The following PVR variants were observed in gnomAD, a reference collection of about 807,000 sequenced individuals.
The protein encoded by PVR is poliovirus receptor.
In PVR, 39 loss-of-function variants were observed where a neutral mutation model predicts 43.3. The ratio of observed to expected loss-of-function variants is 0.90; its 90% CI spans 0.70 to 1.18. PVR has a LOEUF of 1.18. Among genes scored for constraint, PVR ranks in the 50% most tolerant of loss-of-function variants. PVR has a pLI of 0.00. For synonymous variants in PVR, 224 were observed against 233.2 expected (o/e 0.96, Z 0.36); for missense variants, 480 against 549.7 (o/e 0.87, Z 1.27).
chr19:44,647,416 G>T lies in PVR; in HGVS notation c.273G>T (p.Arg91=). 6.2e-7 allele frequency: 1 copy of T among 1,614,106 alleles called. No homozygotes were observed. The highest frequency in any genetic ancestry group is 8.5e-7 in the Non-Finnish European group (1 of 1,180,000). ...TQGPSYSESK[R]LEFVAARLGA... The stretch of plus-strand genomic sequence containing the variant: ...GCCCCAGCTATTCGGAGTCCAAACG[G>T]CTGGAATTCGTGGCAGCCAGACTGG... The change falls in exon 2 of 8, where the codon CGG becomes CGT. Residue 91 remains arginine, a synonymous_variant. Coordinates refer to ENST00000425690, the MANE Select transcript of PVR (RefSeq NM_006505.5).
rs376217571 is a variant in PVR, at chr19:44,661,365, C to T, written c.1182+42C>T. On this transcript the variant is annotated intron_variant, in intron 7 of 7. Transcript: ENST00000425690. Reference sequence around the variant, plus strand: ...AGCTAAGGAGGGTGTGGGGTCTGCACGAACTACAGACCAGACGTCTTCAGA... The same window carrying T: ...AGCTAAGGAGGGTGTGGGGTCTGCATGAACTACAGACCAGACGTCTTCAGA... The T allele has an allele frequency of 1.1e-5, 17 of 1,600,576 alleles. No homozygotes were observed. The African/African-American group carries it at 1.5e-4, about 14-fold the overall frequency.
intron 3 of PVR, chr19:44,653,634 C>G (rs560016694): frequency 5.0e-4 from 193 of 386,818 alleles, no homozygotes; most frequent in Non-Finnish European, 7.3e-4. Flanking sequence ...TGCAGGACAC[C>G]CAAGACATGC....
At chr19:44,654,956 G>A (rs1973399376) in intron 4 of PVR, among the ~76,000 whole-genome samples, 1 of 152,142 alleles carries the variant, frequency 6.6e-6, no homozygotes, top group Admixed American at 6.5e-5. Flanking sequence ...AGATGAGAAA[G>A]TTGAGGCTCA....
rs773761184 is a variant in PVR, at chr19:44,658,887, T to C, written c.1137T>C (p.His379=). 2.0e-5 allele frequency: 32 copies of C among 1,614,044 alleles called. No individual in the cohort carries two copies. Among genetic ancestry groups the C allele is most frequent in the Non-Finnish European group, 2.6e-5 (31 of 1,179,982 alleles). The change falls in exon 6 of 8, where the codon CAT becomes CAC. Residue 379 remains histidine, a synonymous_variant. Transcript: ENST00000425690. ...CCCGTGAGGTCCTTTGGCACTGTCATCTGTGTCCCTCGAGTGAGCATCACC... is the reference window on the plus strand; with the variant it reads ...CCCGTGAGGTCCTTTGGCACTGTCACCTGTGTCCCTCGAGTGAGCATCACC... ...KCSREVLWHC[H]LCPSSTEHAS...
At chr19:44,657,399 CTT>C (rs1047066866) in intron 4 of PVR, among the ~76,000 whole-genome samples, 4 of 152,136 alleles carry the variant, frequency 2.6e-5, no homozygotes, top group African/African-American at 9.7e-5. Flanking sequence ...TGGGAACTGA[CTT>C]AGGGTTCACA....
chr19:44,646,468 G>T (rs528865414), intron 1 of PVR, among the ~76,000 whole-genome samples: 1 of 152,124 alleles, frequency 6.6e-6, no homozygotes, highest in South Asian at 2.1e-4. Context: ...ACACTGGTGC[G>T]ATGAAAAAGT....
intron 1 of PVR, among the ~76,000 whole-genome samples, chr19:44,645,860 G>T (rs1261246056): frequency 6.6e-6 from 1 of 152,082 alleles, no homozygotes; most frequent in East Asian, 1.9e-4. Flanking sequence ...ATGTTTATTA[G>T]TGTCAATAAG....
chr19:44,660,840 A>G (rs1025661850), intron 6 of PVR, among the ~76,000 whole-genome samples: 1 of 152,080 alleles, frequency 6.6e-6, no homozygotes, highest in African/African-American at 2.4e-5. Flanking sequence ...AGGCATTTTT[A>G]TCTGTTTTGT....
Position 44,658,770 on chromosome 19 carries a change from G to A in PVR, c.1020G>A (p.Met340Ile), listed in dbSNP as rs203710. ...GACCTCCCAGTGAGCACTCAGGCAT[G>A]TCCCGTAACGCCATCATCTTCCTGG... ...KEGPPSEHSG[M>I]SRNAIIFLVL... The change falls in exon 6 of 8, where the codon ATG (methionine) becomes ATA (isoleucine). Residue 340 changes from methionine to isoleucine, a missense_variant. Coordinates refer to ENST00000425690, the MANE Select transcript of PVR (RefSeq NM_006505.5). 0.021 allele frequency: 33,795 copies of A among 1,611,156 alleles called. 435 individuals carry two copies. Among genetic ancestry groups the A allele is most frequent in the Non-Finnish European group, 0.026 (30,940 of 1,177,306 alleles).
chr19:44,651,644 C>T (rs1354738618), intron 3 of PVR, among the ~76,000 whole-genome samples: 1 of 152,092 alleles, frequency 6.6e-6, no homozygotes, highest in Non-Finnish European at 1.5e-5. Context: ...ACACTGGCCT[C>T]CTTGTGTTCT....
At chr19:44,657,395 C>CT (rs1387468151) in intron 4 of PVR, among the ~76,000 whole-genome samples, 1 of 152,134 alleles carries the variant, frequency 6.6e-6, no homozygotes, top group African/African-American at 2.4e-5. Flanking sequence ...GGTATGGGAA[C>CT]TGACTTAGGG....
At chr19:44,651,029 C>T (rs1973267502) in intron 3 of PVR, among the ~76,000 whole-genome samples, 1 of 152,032 alleles carries the variant, frequency 6.6e-6, no homozygotes, top group African/African-American at 2.4e-5. Flanking sequence ...CCACCATGCC[C>T]GGCTAATTTT....
chr19:44,645,068 G>C (rs1254251780), intron 1 of PVR, among the ~76,000 whole-genome samples: 1 of 88,318 alleles, frequency 1.1e-5, no homozygotes, highest in African/African-American at 4.7e-5. Context: ...ATATATTATA[G>C]TAATATATAA....
intron 3 of PVR, 70 bp from the exon 4 acceptor site, chr19:44,653,830 G>T: frequency 1.9e-6 from 2 of 1,075,188 alleles, no homozygotes; most frequent in Non-Finnish European, 1.4e-6. Context: ...CTGCAGTGTC[G>T]TGAATCCCGC....
Position 44,643,946 on chromosome 19 carries a change from C to T in PVR, c.-151C>T. The T allele has an allele frequency of 1.7e-6, 1 of 587,278 alleles. No individual in the cohort carries two copies. The highest frequency in any genetic ancestry group is 2.9e-6 in the Non-Finnish European group (1 of 348,404). 36.4% of individuals were successfully genotyped at this position (587,278 alleles called of 1,614,324 possible). A position where few individuals can be genotyped will look rare whatever the true frequency, so the allele number is the denominator to read the frequency against. On this transcript the variant is annotated 5_prime_UTR_variant, in exon 1 of 8. Transcript: ENST00000425690. Reference sequence around the variant, plus strand: ...TGGAGCTTGAAGAAGTGGGTATTCCCCTTCCCACCCCAGGCACTGGAGGAG... The same window carrying T: ...TGGAGCTTGAAGAAGTGGGTATTCCTCTTCCCACCCCAGGCACTGGAGGAG...
rs2123775369 is a variant in PVR, at chr19:44,663,397, C to T, written c.*1586C>T. On this transcript the variant is annotated 3_prime_UTR_variant, in exon 8 of 8. Coordinates refer to ENST00000425690, the MANE Select transcript of PVR (RefSeq NM_006505.5). The stretch of plus-strand genomic sequence containing the variant: ...TGGACAGAGATGGAAGAGCCGGGAA[C>T]AGAGAAGTGTGGGGAAGAGATAGGA... 1 of 152,406 alleles carries T rather than the reference C, an allele frequency of 6.6e-6. No homozygotes were observed. Among genetic ancestry groups the T allele is most frequent in the South Asian group, 2.1e-4 (1 of 4,822 alleles). 9.4% of individuals were successfully genotyped at this position (152,406 alleles called of 1,614,324 possible).
chr19:44,658,774 C>T lies in PVR; in HGVS notation c.1024C>T (p.Arg342Cys), dbSNP rs531845274. The change falls in exon 6 of 8, where the codon CGT becomes TGT. Residue 342 changes from arginine to cysteine, a missense_variant. Arg to Cys is a radical substitution (Grantham distance 180). Coordinates refer to ENST00000425690, the MANE Select transcript of PVR (RefSeq NM_006505.5). ...TCCCAGTGAGCACTCAGGCATGTCC[C>T]GTAACGCCATCATCTTCCTGGTTCT... is the stretch of plus-strand genomic sequence containing the variant. ...GPPSEHSGMS[R>C]NAIIFLVLGI... The T allele has an allele frequency of 2.0e-5, 33 of 1,611,830 alleles. No homozygotes were observed. The highest frequency in any genetic ancestry group is 2.6e-5 in the Non-Finnish European group (31 of 1,177,918).
chr19:44,648,830 T>C (rs1206140585), intron 2 of PVR, among the ~76,000 whole-genome samples: 1 of 152,172 alleles, frequency 6.6e-6, no homozygotes, highest in Non-Finnish European at 1.5e-5. Context: ...CTGGGTATCA[T>C]GGTTTAGGAT....
At chr19:44,645,444 T>TATATATATATA (rs1973088682) in intron 1 of PVR, among the ~76,000 whole-genome samples, 1 of 102,806 alleles carries the variant, frequency 9.7e-6, no homozygotes, top group Non-Finnish European at 1.9e-5. Context: ...TATATATATA[T>TATATATATATA]AGTGCGTGTG....
Sources: allele counts gnomAD v4.1 joint callset (sites outside exome capture counted in the v4.1 genomes callset), GRCh38; gene constraint gnomAD v4.1.1; transcripts MANE v1.5; gene names NCBI Gene and HGNC (gene_info 2026-07-23, HGNC 2026-07-21).